The following PIK3C2G variants were observed in gnomAD, a reference collection of about 807,000 sequenced individuals.
PIK3C2G encodes phosphatidylinositol-4-phosphate 3-kinase catalytic subunit type 2 gamma, also known as phosphatidylinositol 3-kinase C2 domain-containing subunit gamma.
A neutral mutation model predicts 181.1 loss-of-function variants in PIK3C2G; 168 were observed. That is an observed-to-expected ratio of 0.93 (90% CI 0.82 to 1.05). The LOEUF is 1.05. PIK3C2G is among the 50% of genes least tolerant of loss of function. PIK3C2G has a pLI of 0.00. For synonymous variants in PIK3C2G, 573 were observed against 592.2 expected, an observed-to-expected ratio of 0.97 and a Z score of 0.47; for missense variants, 1,869 against 1,732.8, an observed-to-expected ratio of 1.08 and a Z score of -1.40.
intron 18 of PIK3C2G, among the ~76,000 whole-genome samples, chr12:18,435,754 C>T (rs1946409319): frequency 6.6e-6 from 1 of 152,042 alleles, no homozygotes; most frequent in Non-Finnish European, 1.5e-5. Context: ...AGTTTTCCAA[C>T]TTCTTGAAAT....
At position 18,490,083 on chromosome 12, in the gene PIK3C2G, T is replaced by TA. The variant is rs373956097; in HGVS notation, c.2686-1362dup. The stretch of plus-strand genomic sequence containing the variant: ...AGTTCCTAATGGCTACTTTTGTACT[T>TA]AAAAAAGCACTAATTAAGCATAACT... On this transcript the variant is annotated intron_variant, in intron 19 of 32. Coordinates refer to ENST00000538779, the MANE Select transcript of PIK3C2G (RefSeq NM_001288772.2). 5.6e-3 allele frequency among the ~76,000 whole-genome samples: 855 copies of TA among 152,240 alleles called. 5 individuals carry two copies. The highest frequency in any genetic ancestry group is 0.02 in the African/African-American group (826 of 41,552).
intron 5 of PIK3C2G, among the ~76,000 whole-genome samples, chr12:18,313,534 C>T (rs1950727276): frequency 1.3e-5 from 2 of 152,124 alleles, no homozygotes; most frequent in East Asian, 3.9e-4. Context: ...GACAAGGTCT[C>T]CACACAGACA....
At chr12:18,721,862 T>C in the PIK3C2G span, among the ~76,000 whole-genome samples, 1 of 151,822 alleles carries the variant, frequency 6.6e-6, no homozygotes, top group Non-Finnish European at 1.5e-5. Context: ...CTCAACTCAA[T>C]GACACCACTA....
intron 26 of PIK3C2G, among the ~76,000 whole-genome samples, chr12:18,548,299 T>G (rs1468880770): frequency 6.6e-6 from 1 of 152,024 alleles, no homozygotes; most frequent in African/African-American, 2.4e-5. Flanking sequence ...CTGCAAGGCC[T>G]GTGTTCGAGA....
chr12:18,601,287 T>TTA (rs1555145440), intron 30 of PIK3C2G, among the ~76,000 whole-genome samples: 4 of 142,554 alleles, frequency 2.8e-5, no homozygotes, highest in Admixed American at 1.4e-4. Flanking sequence ...AAATAAAAAT[T>TTA]AAAAAAAAAA....
At chr12:18,362,279 A>T (rs1294120004) in intron 11 of PIK3C2G, among the ~76,000 whole-genome samples, 2 of 152,208 alleles carry the variant, frequency 1.3e-5, no homozygotes, top group Non-Finnish European at 2.9e-5. Flanking sequence ...TCCAGGAAAG[A>T]CAAAAGCTAG....
At chr12:18,701,386 TAG>T in the PIK3C2G span, 1 of 1,539,530 alleles carries the variant, frequency 6.5e-7, no homozygotes, top group Non-Finnish European at 8.8e-7. Flanking sequence ...AATGATAGAC[TAG>T]AGTTTTTATA....
intron 18 of PIK3C2G, among the ~76,000 whole-genome samples, chr12:18,457,364 T>G (rs1252646027): frequency 6.6e-6 from 1 of 152,210 alleles, no homozygotes; most frequent in Non-Finnish European, 1.5e-5. Flanking sequence ...TCCAGTGTAC[T>G]AATAATTTAA....
chr12:18,696,319 C>T, the PIK3C2G span: 1 of 320,568 alleles, frequency 3.1e-6, no homozygotes. Flanking sequence ...ATTTAAAAAG[C>T]CACTATATAT....
chr12:18,465,411 C>T (rs1937750038), intron 18 of PIK3C2G, among the ~76,000 whole-genome samples: 1 of 151,634 alleles, frequency 6.6e-6, no homozygotes, highest in Non-Finnish European at 1.5e-5. Flanking sequence ...TTTCTTTGTC[C>T]ATCATTTCTT....
chr12:18,425,269 G>A (rs556169723), intron 18 of PIK3C2G: 201 of 152,870 alleles, frequency 1.3e-3, no homozygotes, highest in Non-Finnish European at 1.3e-3. Flanking sequence ...TATTGTTCCA[G>A]GCCCTGTGTT....
chr12:18,711,812 A>G, the PIK3C2G span, among the ~76,000 whole-genome samples: 1 of 152,028 alleles, frequency 6.6e-6, no homozygotes, highest in Admixed American at 6.6e-5. Context: ...GTGTGAGTTC[A>G]AGAAAGAGAC....
chr12:18,514,404 T>C (rs1017391152), intron 24 of PIK3C2G, among the ~76,000 whole-genome samples: 4 of 151,882 alleles, frequency 2.6e-5, no homozygotes, highest in African/African-American at 9.7e-5. Context: ...GGTCTTTCTA[T>C]TGTTTTCTTT....
At chr12:18,534,649 AC>A (rs1943743981) in intron 24 of PIK3C2G, among the ~76,000 whole-genome samples, 1 of 151,384 alleles carries the variant, frequency 6.6e-6, no homozygotes, top group African/African-American at 2.4e-5. Context: ...AGGAAGGTGG[AC>A]TACTTCCTCT....
chr12:18,712,344 A>G, the PIK3C2G span, among the ~76,000 whole-genome samples: 1 of 152,182 alleles, frequency 6.6e-6, no homozygotes, highest in African/African-American at 2.4e-5. Flanking sequence ...GAATAACTAT[A>G]TCGTTGAATC....
At chr12:18,696,244 G>C in the PIK3C2G span, 4 of 1,578,848 alleles carry the variant, frequency 2.5e-6, no homozygotes, top group Non-Finnish European at 3.5e-6. Context: ...TGAACTTCCT[G>C]GTGTGAAAAA....
chr12:18,568,391 T>G (rs1331485833), intron 29 of PIK3C2G, among the ~76,000 whole-genome samples: 1 of 151,402 alleles, frequency 6.6e-6, no homozygotes, highest in African/African-American at 2.4e-5. Context: ...AAATTGTGTG[T>G]GTGTGTGTGT....
chr12:18,400,671 A>C (rs185167603), intron 16 of PIK3C2G, among the ~76,000 whole-genome samples: 164 of 152,164 alleles, frequency 1.1e-3, no homozygotes, highest in South Asian at 2.1e-3. Flanking sequence ...TTTACCAATG[A>C]GTGTCCTTCA....
chr12:18,659,612 T>G, the PIK3C2G span, among the ~76,000 whole-genome samples: 2 of 152,014 alleles, frequency 1.3e-5, no homozygotes, highest in African/African-American at 4.8e-5. Context: ...ACACATTTCA[T>G]TTACGTGTCA....
Sources: allele counts gnomAD v4.1 joint callset (sites outside exome capture counted in the v4.1 genomes callset), GRCh38; gene constraint gnomAD v4.1.1; transcripts MANE v1.5; gene names NCBI Gene and HGNC (gene_info 2026-07-23, HGNC 2026-07-21).